ZRANB3: variants seen among roughly 807,000 people sequenced by gnomAD.
The protein encoded by ZRANB3 is DNA annealing helicase and endonuclease ZRANB3.
ZRANB3 carries 125 observed loss-of-function variants against 133.8 expected under a neutral mutation model. The observed-to-expected ratio is 0.93, with a 90% CI of 0.81 to 1.08. The LOEUF is 1.08. Ranked by LOEUF, ZRANB3 falls within the 50% of genes least tolerant of loss-of-function variation. The pLI is 0.00. For missense variants in ZRANB3, 1,229 were observed against 1,275.5 expected (o/e 0.96, Z 0.56); for synonymous variants, 387 against 432.7 (o/e 0.89, Z 1.31).
chr2:135,281,933 C>T (rs1471824264), intron 8 of ZRANB3, among the ~76,000 whole-genome samples: 1 of 152,166 alleles, frequency 6.6e-6, no homozygotes, highest in African/African-American at 2.4e-5. Flanking sequence ...CTCTTTTGGA[C>T]GTTCCATATA....
chr2:135,481,526 C>G (rs890414115), intron 2 of ZRANB3, among the ~76,000 whole-genome samples: 5 of 152,098 alleles, frequency 3.3e-5, no homozygotes, highest in Non-Finnish European at 5.9e-5. Flanking sequence ...CCCTTTGTCA[C>G]ATGAGTAAGT....
intron 13 of ZRANB3, among the ~76,000 whole-genome samples, chr2:135,228,986 T>G (rs77968134): frequency 0.015 from 2,237 of 152,342 alleles, 36 homozygotes; most frequent in Non-Finnish European, 0.02. Flanking sequence ...TATTAAATTA[T>G]GACTTTTGTT....
chr2:135,406,500 C>A (rs553180329), intron 2 of ZRANB3, among the ~76,000 whole-genome samples: 2 of 152,156 alleles, frequency 1.3e-5, no homozygotes, highest in Non-Finnish European at 2.9e-5. Flanking sequence ...ATACCAAAGC[C>A]TAGCAGAGAC....
At chr2:135,328,825 A>C (rs982622672) in intron 6 of ZRANB3, among the ~76,000 whole-genome samples, 1 of 152,014 alleles carries the variant, frequency 6.6e-6, no homozygotes, top group African/African-American at 2.4e-5. Context: ...GATGATGAGC[A>C]TTTTTTCATG....
At chr2:135,503,742 T>C (rs757330413) in intron 2 of ZRANB3, among the ~76,000 whole-genome samples, 26 of 152,092 alleles carry the variant, frequency 1.7e-4, no homozygotes, top group Non-Finnish European at 3.2e-4. Flanking sequence ...GAAGGATCAC[T>C]TGAGCCCAGG....
At chr2:135,313,026 A>C (rs1373331073) in intron 8 of ZRANB3, among the ~76,000 whole-genome samples, 2 of 151,490 alleles carry the variant, frequency 1.3e-5, no homozygotes, top group Non-Finnish European at 2.9e-5. Context: ...TCTTTAAAAA[A>C]AAAAAAAACA....
At chr2:135,324,906 T>G (rs1402143239) in intron 6 of ZRANB3, among the ~76,000 whole-genome samples, 1 of 152,224 alleles carries the variant, frequency 6.6e-6, no homozygotes, top group African/African-American at 2.4e-5. Context: ...TCATATCCTT[T>G]GCCCACTTGT....
At chr2:135,380,975 A>G (rs1417693551) in intron 3 of ZRANB3, among the ~76,000 whole-genome samples, 1 of 152,198 alleles carries the variant, frequency 6.6e-6, no homozygotes, top group Non-Finnish European at 1.5e-5. Flanking sequence ...TACTGGGTTC[A>G]TCTCACTGGG....
chr2:135,500,752 T>C (rs1013201816), intron 2 of ZRANB3, among the ~76,000 whole-genome samples: 3 of 117,698 alleles, frequency 2.5e-5, no homozygotes, highest in African/African-American at 6.6e-5. Flanking sequence ...AAATTACATA[T>C]CAGTAAAAAA....
At chr2:135,399,779 C>T (rs1039343820) in intron 2 of ZRANB3, among the ~76,000 whole-genome samples, 8 of 152,062 alleles carry the variant, frequency 5.3e-5, no homozygotes, top group African/African-American at 1.9e-4. Flanking sequence ...TACATGGTCA[C>T]GGGGAAGGGG....
chr2:135,306,257 C>A (rs1315718354), intron 8 of ZRANB3, among the ~76,000 whole-genome samples: 1 of 151,736 alleles, frequency 6.6e-6, no homozygotes, highest in African/African-American at 2.4e-5. Context: ...TTTCCCCATC[C>A]CTTTTTATTC....
chr2:135,456,350 G>T (rs1574132490), intron 2 of ZRANB3, among the ~76,000 whole-genome samples: 1 of 152,164 alleles, frequency 6.6e-6, no homozygotes, highest in Admixed American at 6.5e-5. Context: ...GAAAACACAT[G>T]TGGGAAGTGT....
chr2:135,214,714 G>A (rs1295585712), intron 17 of ZRANB3, among the ~76,000 whole-genome samples: 1 of 152,078 alleles, frequency 6.6e-6, no homozygotes. Context: ...GTAAGTATGT[G>A]TATATATGTA....
At chr2:135,206,210 G>T (rs1196691083) in intron 19 of ZRANB3, among the ~76,000 whole-genome samples, 1 of 151,880 alleles carries the variant, frequency 6.6e-6, no homozygotes, top group African/African-American at 2.4e-5. Context: ...GTGACATTTT[G>T]ATTCTAATTT....
intron 8 of ZRANB3, among the ~76,000 whole-genome samples, chr2:135,292,058 G>T (rs1441771982): frequency 6.6e-6 from 1 of 152,136 alleles, no homozygotes; most frequent in Non-Finnish European, 1.5e-5. Flanking sequence ...ATAAATGTAC[G>T]TGTGCATGTG....
intron 2 of ZRANB3, among the ~76,000 whole-genome samples, chr2:135,473,833 A>G (rs1482473274): frequency 3.9e-5 from 6 of 152,118 alleles, no homozygotes; most frequent in Non-Finnish European, 8.8e-5. Context: ...ATCCTACCCA[A>G]TATAAAAATA....
intron 2 of ZRANB3, among the ~76,000 whole-genome samples, chr2:135,487,529 T>G (rs1314329361): frequency 6.6e-6 from 1 of 152,236 alleles, no homozygotes; most frequent in Non-Finnish European, 1.5e-5. Flanking sequence ...TGTTGTTTAG[T>G]GTAGTCACTT....
At chr2:135,240,207 T>C (rs1399891593) in intron 12 of ZRANB3, among the ~76,000 whole-genome samples, 2 of 152,074 alleles carry the variant, frequency 1.3e-5, no homozygotes, top group Admixed American at 6.6e-5. Flanking sequence ...CCAGGCATGG[T>C]GGCGTGCGCC....
chr2:135,268,323 C>T (rs1680343425), intron 11 of ZRANB3, among the ~76,000 whole-genome samples: 1 of 152,078 alleles, frequency 6.6e-6, no homozygotes, highest in Non-Finnish European at 1.5e-5. Flanking sequence ...TGCTACCATG[C>T]CCAGCTAATT....
Sources: gnomAD v4.1 joint callset for allele counts (sites outside exome capture counted in the v4.1 genomes callset) on GRCh38, gnomAD v4.1.1 for gene constraint, MANE v1.5 for transcripts, NCBI Gene and HGNC (gene_info 2026-07-23, HGNC 2026-07-21) for gene names.